ARHGAP8: variants seen among roughly 807,000 people sequenced by gnomAD.
The protein encoded by ARHGAP8 is Rho GTPase activating protein 8, also known as rho GTPase-activating protein 8.
Under a neutral mutation model 46.1 loss-of-function variants are expected in ARHGAP8, and 62 were observed. That is an observed-to-expected ratio of 1.34 (90% CI 1.10 to 1.66). ARHGAP8 has a LOEUF of 1.66. Among genes scored for constraint, ARHGAP8 ranks in the 40% most tolerant of loss-of-function variants. The pLI is 0.00. For missense variants in ARHGAP8, 923 were observed against 568.4 expected (o/e 1.62, Z -6.34); for synonymous variants, 375 against 243.1 (o/e 1.54, Z -5.05).
chr22:44,799,372 G>A (rs934792067), intron 2 of ARHGAP8, among the ~76,000 whole-genome samples: 9 of 152,362 alleles, frequency 5.9e-5, no homozygotes, highest in South Asian at 2.1e-4. Flanking sequence ...CCACAGACCG[G>A]CCAGAGGGCA....
chr22:44,856,807 C>T lies in ARHGAP8; in HGVS notation c.878-2924C>T, dbSNP rs552583385. On this transcript the variant is annotated intron_variant, in intron 10 of 11. Coordinates refer to ENST00000356099, the MANE Select transcript of ARHGAP8 (RefSeq NM_181335.3). ...TCCTCGAGATCAGATGCGCTGAAGT[C>T]AAAACCAAAGAACCCATTCTTCCGA... Among the ~76,000 whole-genome samples the T allele has an allele frequency of 3.5e-5, 5 of 144,294 alleles. 1 individual carries two copies. The South Asian group carries it at 1.1e-3, about 31-fold the overall frequency. The allele number at this position is 144,294 out of a possible 152,430, so 94.7% of individuals were successfully genotyped here.
intron 10 of ARHGAP8, among the ~76,000 whole-genome samples, chr22:44,857,953 A>C (rs2070280664): frequency 8.1e-6 from 1 of 122,718 alleles, no homozygotes; most frequent in African/African-American, 3.3e-5. Context: ...CACAGAGCTG[A>C]GGGTGACCTG....
At chr22:44,766,516 G>T (rs901082435) in intron 1 of ARHGAP8, among the ~76,000 whole-genome samples, 1 of 151,970 alleles carries the variant, frequency 6.6e-6, no homozygotes, top group Non-Finnish European at 1.5e-5. Flanking sequence ...GTGCATGTCT[G>T]TGTGCGTGTG....
rs138245579 is a variant in ARHGAP8 at position 44,801,725 on chromosome 22, G to A, written c.80-352G>A. On this transcript the variant is annotated intron_variant, in intron 2 of 11. Transcript: ENST00000356099. ...CATGGGGTGGGGGGTTGGAGGAGGA[G>A]GTAGAGTGGCTACACCCTGCCTTTG... is the stretch of plus-strand genomic sequence containing the variant. The A allele has an allele frequency of 4.2e-3, 1,084 of 255,332 alleles. 15 individuals carry two copies. Among genetic ancestry groups the A allele is most frequent in the African/African-American group, 0.023 (1,029 of 44,870 alleles). The allele number at this position is 255,332 out of a possible 1,614,324, so 15.8% of individuals were successfully genotyped here.
At chr22:44,827,335 G>GTTTTTTTT (rs1569165898) in intron 7 of ARHGAP8, among the ~76,000 whole-genome samples, 1 of 41,732 alleles carries the variant, frequency 2.4e-5, no homozygotes. Context: ...TTTGGGTGGT[G>GTTTTTTTT]GTTTTTTTTT....
At chr22:44,762,445 A>C (rs894086706) in intron 1 of ARHGAP8, among the ~76,000 whole-genome samples, 1 of 151,604 alleles carries the variant, frequency 6.6e-6, no homozygotes, top group African/African-American at 2.4e-5. Flanking sequence ...CTAAAACAAA[A>C]AAAAATCTTT....
chr22:44,766,320 G>T, intron 1 of ARHGAP8: 1 of 153,640 alleles, frequency 6.5e-6, no homozygotes. Flanking sequence ...TATACTGGAG[G>T]AGGAAGGAGT....
chr22:44,861,452 CT>C (rs1569189761), intron 11 of ARHGAP8, among the ~76,000 whole-genome samples: 5 of 149,356 alleles, frequency 3.3e-5, no homozygotes, highest in African/African-American at 7.4e-5. Context: ...CTGCAACGGG[CT>C]TGGGGGACCG....
At chr22:44,780,991 C>T (rs1926803767) in intron 1 of ARHGAP8, among the ~76,000 whole-genome samples, 1 of 152,168 alleles carries the variant, frequency 6.6e-6, no homozygotes, top group Admixed American at 6.5e-5. Context: ...GGAGGAGAGC[C>T]TCGCTTCCAG....
rs2070319628 is a variant in ARHGAP8, at chr22:44,858,706, C to T, written c.878-1025C>T. Among the ~76,000 whole-genome samples the T allele has an allele frequency of 2.7e-5, 4 of 147,614 alleles. No individual in the cohort carries two copies. The South Asian group carries it at 8.5e-4, about 31-fold the overall frequency. On this transcript the variant is annotated intron_variant, in intron 10 of 11. Coordinates refer to ENST00000356099, the MANE Select transcript of ARHGAP8 (RefSeq NM_181335.3). ...TTTTGACTGGAAGGCTATGGAGCTCCAGTGGTAGATGTGGTTATAAGGGTA... is the reference window on the plus strand; with the variant it reads ...TTTTGACTGGAAGGCTATGGAGCTCTAGTGGTAGATGTGGTTATAAGGGTA...
intron 6 of ARHGAP8, among the ~76,000 whole-genome samples, chr22:44,824,403 C>T (rs1930363341): frequency 3.3e-5 from 5 of 152,292 alleles, no homozygotes; most frequent in South Asian, 2.1e-4. Flanking sequence ...CCACCTTCTC[C>T]GCAGACCTTT....
chr22:44,826,352 A>G (rs1435836828), intron 7 of ARHGAP8, among the ~76,000 whole-genome samples: 1 of 152,106 alleles, frequency 6.6e-6, no homozygotes, highest in African/African-American at 2.4e-5. Context: ...TGTCCTTCCT[A>G]ATACCCTTTA....
intron 5 of ARHGAP8, among the ~76,000 whole-genome samples, chr22:44,816,418 C>T (rs1929746464): frequency 6.6e-6 from 1 of 152,166 alleles, no homozygotes; most frequent in South Asian, 2.1e-4. Context: ...GCCCCAAGGG[C>T]TACACTGCCC....
intron 9 of ARHGAP8, 78 bp downstream of exon 9, chr22:44,848,128 A>G: frequency 4.5e-6 from 7 of 1,560,118 alleles, no homozygotes; most frequent in Non-Finnish European, 6.1e-6. Flanking sequence ...GAGCGGAGGC[A>G]GGGAAGCACC....
In ARHGAP8 at chr22:44,857,009, C is replaced by T. The variant is rs1192023604; in HGVS notation, c.878-2722C>T. Among the ~76,000 whole-genome samples the T allele has an allele frequency of 2.8e-5, 4 of 141,512 alleles. 1 individual carries two copies. The highest frequency in any genetic ancestry group is 5.8e-5 in the African/African-American group (2 of 34,696). The allele number at this position is 141,512 out of a possible 152,430, so 92.8% of individuals were successfully genotyped here. ...AGGCTGGAGTGCAATGGTGCAATCT[C>T]GGCTCACTGCAACCTCTGCCTCCCG... is the stretch of plus-strand genomic sequence containing the variant. On this transcript the variant is annotated intron_variant, in intron 10 of 11. Coordinates refer to ENST00000356099, the MANE Select transcript of ARHGAP8 (RefSeq NM_181335.3).
chr22:44,793,915 G>C (rs1355767948), intron 2 of ARHGAP8, among the ~76,000 whole-genome samples: 2 of 152,194 alleles, frequency 1.3e-5, no homozygotes, highest in Admixed American at 6.5e-5. Flanking sequence ...ACACAGATGC[G>C]GCATTGATGG....
intron 1 of ARHGAP8, among the ~76,000 whole-genome samples, chr22:44,769,045 G>A (rs1415479951): frequency 6.6e-6 from 1 of 152,150 alleles, no homozygotes. Context: ...ATGTTGGCCA[G>A]GCTGGTCTTG....
At chr22:44,819,671 C>T (rs1929989487) in intron 5 of ARHGAP8, among the ~76,000 whole-genome samples, 1 of 150,694 alleles carries the variant, frequency 6.6e-6, no homozygotes, top group South Asian at 2.1e-4. Flanking sequence ...GAAACTCCAC[C>T]TCAGAAAAAA....
chr22:44,795,690 C>A (rs1052306884), intron 2 of ARHGAP8, among the ~76,000 whole-genome samples: 3 of 152,168 alleles, frequency 2.0e-5, no homozygotes, highest in African/African-American at 7.2e-5. Flanking sequence ...GGTGCTGGGA[C>A]CTGCGGAAAA....
Sources: allele counts gnomAD v4.1 joint callset (sites outside exome capture counted in the v4.1 genomes callset), GRCh38; gene constraint gnomAD v4.1.1; transcripts MANE v1.5; gene names NCBI Gene and HGNC (gene_info 2026-07-23, HGNC 2026-07-21).